Variants in ROBO2 observed in about 807,000 individuals in gnomAD.
ROBO2 encodes roundabout guidance receptor 2.
Under a neutral mutation model 160.8 loss-of-function variants are expected in ROBO2, and 53 were observed. The ratio of observed to expected loss-of-function variants is 0.33; its 90% CI spans 0.26 to 0.41. ROBO2 has a LOEUF of 0.41. ROBO2 is among the 10% of genes least tolerant of loss of function. ROBO2 has a pLI of 1.00. For synonymous variants in ROBO2, 664 were observed against 611.7 expected (o/e 1.09, Z -1.26); for missense variants, 1,577 against 1,722.4 (o/e 0.92, Z 1.49).
At chr3:77,530,478 A>G (rs2091605587) in intron 6 of ROBO2, among the ~76,000 whole-genome samples, 1 of 152,036 alleles carries the variant, frequency 6.6e-6, no homozygotes, top group South Asian at 2.1e-4. Context: ...TTGCAGTCAC[A>G]GTTGGAATAA....
intron 2 of ROBO2, among the ~76,000 whole-genome samples, chr3:76,307,785 A>G (rs2071396496): frequency 1.3e-5 from 2 of 152,172 alleles, no homozygotes; most frequent in African/African-American, 4.8e-5. Flanking sequence ...AGTATGAATA[A>G]TAAATGACTC....
intron 2 of ROBO2, among the ~76,000 whole-genome samples, chr3:76,561,935 A>T (rs1428127991): frequency 1.3e-5 from 2 of 152,252 alleles, no homozygotes; most frequent in East Asian, 3.9e-4. Flanking sequence ...GACAACATGC[A>T]TCCTTTTCAG....
intron 2 of ROBO2, among the ~76,000 whole-genome samples, chr3:76,948,900 A>ATTTT (rs2078761417): frequency 9.5e-5 from 4 of 41,918 alleles, no homozygotes; most frequent in African/African-American, 5.2e-4. Flanking sequence ...ATATATATAT[A>ATTTT]TATATATATT....
At chr3:75,924,527 A>C (rs531018466) in intron 1 of ROBO2, among the ~76,000 whole-genome samples, 1 of 152,246 alleles carries the variant, frequency 6.6e-6, no homozygotes, top group East Asian at 1.9e-4. Context: ...CCCCAGAAGT[A>C]TAAAGACAAA....
At chr3:76,812,665 T>C (rs1433396062) in intron 2 of ROBO2, among the ~76,000 whole-genome samples, 4 of 151,976 alleles carry the variant, frequency 2.6e-5, no homozygotes, top group Non-Finnish European at 5.9e-5. Flanking sequence ...GCAAAAAATA[T>C]TAGTTCTCAA....
intron 2 of ROBO2, among the ~76,000 whole-genome samples, chr3:76,908,177 A>G (rs1402956323): frequency 2.0e-5 from 3 of 151,842 alleles, no homozygotes; most frequent in Non-Finnish European, 4.4e-5. Flanking sequence ...AAATAAGTCA[A>G]AAGTCAAAGA....
chr3:77,083,088 C>T (rs555591709), intron 1 of ROBO2, among the ~76,000 whole-genome samples: 3 of 152,140 alleles, frequency 2.0e-5, no homozygotes, highest in Admixed American at 1.3e-4. Context: ...TCATTTCTCC[C>T]CCTGCAGTCA....
At chr3:77,464,977 ATC>A (rs2082622555) in intron 2 of ROBO2, among the ~76,000 whole-genome samples, 1 of 152,226 alleles carries the variant, frequency 6.6e-6, no homozygotes, top group African/African-American at 2.4e-5. Context: ...AGTATTTAGT[ATC>A]CACTAATTTA....
In ROBO2 at chr3:76,129,701, C is replaced by A. The variant is rs140672849; in HGVS notation, c.109+192099C>A. 3.1e-3 allele frequency among the ~76,000 whole-genome samples: 464 copies of A among 151,928 alleles called. 2 individuals are homozygous for A. The highest frequency in any genetic ancestry group is 0.011 in the African/African-American group (442 of 41,528). On this transcript the variant is annotated intron_variant, in intron 2 of 26. Transcript: ENST00000487694. ...CTTTCATGAAAGCAGAGAAGTGGAA[C>A]CTAAAACATTAGGAGATGTGCCTCT...
intron 2 of ROBO2, among the ~76,000 whole-genome samples, chr3:77,018,569 A>G (rs1036874275): frequency 2.0e-5 from 3 of 152,170 alleles, no homozygotes; most frequent in Non-Finnish European, 4.4e-5. Flanking sequence ...AAAATATGTG[A>G]TGTACAACAG....
intron 2 of ROBO2, among the ~76,000 whole-genome samples, chr3:76,486,397 T>A (rs2079499075): frequency 6.6e-6 from 1 of 152,190 alleles, no homozygotes; most frequent in Non-Finnish European, 1.5e-5. Context: ...GATTTTCATC[T>A]GTCGTATGTA....
At chr3:75,914,166 T>A (rs1426447978) in intron 1 of ROBO2, among the ~76,000 whole-genome samples, 2 of 152,218 alleles carry the variant, frequency 1.3e-5, no homozygotes, top group Non-Finnish European at 2.9e-5. Context: ...TACTGGTTAT[T>A]GTGCAGGGAG....
At chr3:76,409,804 T>C (rs966434355) in intron 2 of ROBO2, among the ~76,000 whole-genome samples, 3 of 152,142 alleles carry the variant, frequency 2.0e-5, no homozygotes, top group African/African-American at 7.2e-5. Flanking sequence ...TGGCACAGTG[T>C]TCAGATAAGA....
intron 5 of ROBO2, among the ~76,000 whole-genome samples, chr3:77,514,846 A>G (rs1374786770): frequency 1.3e-5 from 2 of 151,732 alleles, no homozygotes; most frequent in Non-Finnish European, 2.9e-5. Context: ...CATCTGTTAG[A>G]CCTGGGAAAA....
intron 2 of ROBO2, among the ~76,000 whole-genome samples, chr3:76,280,723 TC>T (rs1265459126): frequency 6.6e-6 from 1 of 152,020 alleles, no homozygotes; most frequent in African/African-American, 2.4e-5. Flanking sequence ...TTTCAGAAGA[TC>T]TAAAAGATCT....
At chr3:76,991,858 A>G (rs1048479415) in intron 2 of ROBO2, among the ~76,000 whole-genome samples, 4 of 152,154 alleles carry the variant, frequency 2.6e-5, no homozygotes, top group South Asian at 4.1e-4. Context: ...GCATTCCAGT[A>G]AGGCTATTGA....
intron 2 of ROBO2, among the ~76,000 whole-genome samples, chr3:77,214,782 C>CA (rs2084695128): frequency 6.6e-6 from 1 of 152,144 alleles, no homozygotes; most frequent in Non-Finnish European, 1.5e-5. Flanking sequence ...CTGGTGGTGA[C>CA]AAAATCTCTC....
chr3:76,592,247 C>T (rs2086459562), intron 2 of ROBO2, among the ~76,000 whole-genome samples: 1 of 151,946 alleles, frequency 6.6e-6, no homozygotes, highest in African/African-American at 2.4e-5. Flanking sequence ...TTAACATGTA[C>T]CAGTTTAGGG....
chr3:76,368,684 T>C (rs1314446615), intron 2 of ROBO2, among the ~76,000 whole-genome samples: 1 of 151,854 alleles, frequency 6.6e-6, no homozygotes, highest in Non-Finnish European at 1.5e-5. Context: ...ACCCAGAAAA[T>C]AGCACGATTT....
Sources: gnomAD v4.1 joint callset for allele counts (sites outside exome capture counted in the v4.1 genomes callset) on GRCh38, gnomAD v4.1.1 for gene constraint, MANE v1.5 for transcripts, NCBI Gene and HGNC (gene_info 2026-07-23, HGNC 2026-07-21) for gene names.